The following SRGAP3 variants were observed in gnomAD, a reference collection of about 807,000 sequenced individuals.
SRGAP3 encodes the protein SLIT-ROBO Rho GTPase activating protein 3.
SRGAP3 carries 39 observed loss-of-function variants against 121.1 expected under a neutral mutation model. The observed-to-expected ratio is 0.32, with a 90% CI of 0.25 to 0.42. The LOEUF (loss-of-function observed/expected upper bound fraction) is 0.42, where lower values mean the gene tolerates loss of function less well. Among genes scored for constraint, SRGAP3 ranks in the 10% least tolerant of loss-of-function variants. SRGAP3 has a pLI of 1.00. For synonymous variants in SRGAP3, 601 were observed against 570.0 expected (o/e 1.05, Z -0.77); for missense variants, 1,213 against 1,470.6 (o/e 0.82, Z 2.86).
intron 1 of SRGAP3, among the ~76,000 whole-genome samples, chr3:9,180,445 T>A (rs1337250880): frequency 6.6e-6 from 1 of 152,162 alleles, no homozygotes; most frequent in Non-Finnish European, 1.5e-5. Context: ...ACTTTTCTTT[T>A]GGCTGCAGAA....
intron 1 of SRGAP3, among the ~76,000 whole-genome samples, chr3:9,152,029 T>C (rs986683725): frequency 6.6e-6 from 1 of 152,196 alleles, no homozygotes; most frequent in Non-Finnish European, 1.5e-5. Context: ...TCTGCCTTAA[T>C]GGTGTCTTAT....
At chr3:9,169,563 G>T (rs918546323) in intron 1 of SRGAP3, among the ~76,000 whole-genome samples, 1 of 152,170 alleles carries the variant, frequency 6.6e-6, no homozygotes, top group Admixed American at 6.5e-5. Context: ...TACTAATTAT[G>T]AATTTCTGCT....
upstream of SRGAP3, among the ~76,000 whole-genome samples, chr3:9,253,106 T>C (rs1954053587): frequency 6.6e-6 from 1 of 152,198 alleles, no homozygotes; most frequent in Non-Finnish European, 1.5e-5. Flanking sequence ...GTGATGTAAA[T>C]CATCCTTGTT....
intron 1 of SRGAP3, among the ~76,000 whole-genome samples, chr3:9,215,480 T>C (rs769627989): frequency 2.0e-5 from 3 of 152,212 alleles, no homozygotes; most frequent in Admixed American, 6.5e-5. Context: ...TCCTCTCTGC[T>C]CAATGCTGAT....
intron 1 of SRGAP3, among the ~76,000 whole-genome samples, chr3:9,195,406 TGAG>T (rs1951886301): frequency 6.6e-6 from 1 of 152,168 alleles, no homozygotes; most frequent in Non-Finnish European, 1.5e-5. Context: ...CCTGCCAGCC[TGAG>T]GCCAGTGACT....
chr3:8,996,470 G>A (rs1942406862), intron 18 of SRGAP3, among the ~76,000 whole-genome samples: 1 of 152,202 alleles, frequency 6.6e-6, no homozygotes, highest in African/African-American at 2.4e-5. Flanking sequence ...TCTGCAGGGA[G>A]CAGGCCTCAA....
chr3:9,195,010 T>C (rs897435829), intron 1 of SRGAP3, among the ~76,000 whole-genome samples: 1 of 152,196 alleles, frequency 6.6e-6, no homozygotes, highest in Non-Finnish European at 1.5e-5. Flanking sequence ...CACTTTCTGG[T>C]GGGGTAGGAG....
intron 18 of SRGAP3, among the ~76,000 whole-genome samples, chr3:9,006,368 ACAG>A (rs1365181267): frequency 1.3e-5 from 2 of 149,364 alleles, no homozygotes; most frequent in Non-Finnish European, 3.0e-5. Flanking sequence ...CCACTTTACT[ACAG>A]CCTGGCAACA....
At chr3:9,012,970 A>G (rs1240639374) in intron 17 of SRGAP3, among the ~76,000 whole-genome samples, 1 of 152,206 alleles carries the variant, frequency 6.6e-6, no homozygotes, top group Non-Finnish European at 1.5e-5. Context: ...AAGCAGGGCC[A>G]AGGAATGGAG....
chr3:9,238,161 G>C (rs956667611), intron 1 of SRGAP3, among the ~76,000 whole-genome samples: 5 of 152,184 alleles, frequency 3.3e-5, no homozygotes, highest in Non-Finnish European at 7.3e-5. Context: ...TCTGAGTCAG[G>C]AGACCCTGAG....
At chr3:9,014,273 G>A (rs1025832668) in intron 15 of SRGAP3, 26 of 252,184 alleles carry the variant, frequency 1.0e-4, no homozygotes, top group South Asian at 6.3e-4. Flanking sequence ...TTCCCGAACA[G>A]TGCATTCCCT....
At chr3:9,106,338 G>A (rs549193055) in intron 2 of SRGAP3, among the ~76,000 whole-genome samples, 1 of 152,338 alleles carries the variant, frequency 6.6e-6, no homozygotes, top group South Asian at 2.1e-4. Context: ...CAGGATGTGA[G>A]GGGAGAGGCC....
intron 2 of SRGAP3, among the ~76,000 whole-genome samples, chr3:9,106,079 T>C (rs1366926898): frequency 2.6e-5 from 4 of 152,198 alleles, no homozygotes; most frequent in Non-Finnish European, 5.9e-5. Flanking sequence ...ACACTGTAAA[T>C]TCTCAAAATT....
intron 17 of SRGAP3, 39 bp from the exon 18 acceptor site, chr3:9,010,426 T>G: frequency 6.2e-7 from 1 of 1,610,634 alleles, no homozygotes; most frequent in Non-Finnish European, 8.5e-7. Context: ...CTGCGGGGGG[T>G]TATCTACCCT....
At chr3:9,170,892 G>A (rs1207092723) in intron 1 of SRGAP3, among the ~76,000 whole-genome samples, 1 of 152,222 alleles carries the variant, frequency 6.6e-6, no homozygotes, top group Non-Finnish European at 1.5e-5. Context: ...CCATGAAGAG[G>A]CCTGGGTCAC....
intron 18 of SRGAP3, among the ~76,000 whole-genome samples, chr3:9,000,186 C>T (rs1339395725): frequency 6.6e-6 from 1 of 152,200 alleles, no homozygotes; most frequent in Non-Finnish European, 1.5e-5. Context: ...CTACCTGTTG[C>T]TGAGGCTAAG....
chr3:9,152,502 G>A (rs938964176), intron 1 of SRGAP3, among the ~76,000 whole-genome samples: 1 of 152,218 alleles, frequency 6.6e-6, no homozygotes, highest in African/African-American at 2.4e-5. Context: ...CCCAGCTGAC[G>A]GCCACCTTGG....
At chr3:9,255,307 C>T (rs2125253263) in intron 3 of SRGAP3, among the ~76,000 whole-genome samples, 1 of 152,318 alleles carries the variant, frequency 6.6e-6, no homozygotes, top group Middle Eastern at 3.4e-3. Context: ...CCACCTCACT[C>T]ATAATGAACA....
chr3:9,302,883 T>C (rs572762156), intron 3 of SRGAP3, among the ~76,000 whole-genome samples: 9 of 152,218 alleles, frequency 5.9e-5, no homozygotes, highest in African/African-American at 2.2e-4. Context: ...AGAATTCGAA[T>C]GGGTAAAATG....
Sources: allele counts gnomAD v4.1 joint callset (sites outside exome capture counted in the v4.1 genomes callset), GRCh38; gene constraint gnomAD v4.1.1; transcripts MANE v1.5; gene names NCBI Gene and HGNC (gene_info 2026-07-23, HGNC 2026-07-21).